SRBD1: variants seen among roughly 807,000 people sequenced by gnomAD.
SRBD1 encodes S1 RNA-binding domain-containing protein 1.
SRBD1 carries 88 observed loss-of-function variants against 115.3 expected under a neutral mutation model. The observed-to-expected ratio is 0.76, with a 90% CI of 0.64 to 0.91. SRBD1 has a LOEUF of 0.91. Ranked by LOEUF, SRBD1 falls within the 40% of genes least tolerant of loss-of-function variation. SRBD1 has a pLI of 0.00. For synonymous variants in SRBD1, 509 were observed against 407.7 expected, an observed-to-expected ratio of 1.25 and a Z score of -2.99; for missense variants, 1,385 against 1,177.4, an observed-to-expected ratio of 1.18 and a Z score of -2.58.
At chr2:45,600,101 C>A in intron 3 of SRBD1, among the ~76,000 whole-genome samples, 1 of 152,094 alleles carries the variant, frequency 6.6e-6, no homozygotes, top group East Asian at 1.9e-4. Context: ...AAGGGCAACA[C>A]TAGGCATCTT....
chr2:45,599,718 C>T lies in SRBD1; in HGVS notation c.379G>A (p.Val127Ile). ...ACTTTCAGCTTTTTAGTCCTTCGAA[C>T]TGTATGTGGCTGCGCTGCACATTTC... ...KQKCAAQPHT[V>I]RRTKKLKVEE... is the part of the protein sequence containing the mutation. The change falls in exon 4 of 21, where the codon GTT becomes ATT. Residue 127 changes from valine (V) to isoleucine (I), a missense_variant. Transcript: ENST00000263736. 1 of 1,614,192 alleles carries T rather than the reference C, an allele frequency of 6.2e-7. No homozygotes were observed. The highest frequency in any genetic ancestry group is 8.5e-7 in the Non-Finnish European group (1 of 1,180,044).
chr2:45,463,171 G>A (rs926576560), intron 16 of SRBD1, among the ~76,000 whole-genome samples: 2 of 152,106 alleles, frequency 1.3e-5, no homozygotes, highest in Non-Finnish European at 2.9e-5. Flanking sequence ...TTTGCCATGA[G>A]TGAACCCATA....
At chr2:45,607,996 C>G (rs767730552) in intron 1 of SRBD1, among the ~76,000 whole-genome samples, 1 of 152,154 alleles carries the variant, frequency 6.6e-6, no homozygotes, top group African/African-American at 2.4e-5. Context: ...AACAACCCAC[C>G]CAGATCACCT....
chr2:45,513,073 A>C (rs73927515), intron 14 of SRBD1, among the ~76,000 whole-genome samples: 1 of 152,050 alleles, frequency 6.6e-6, no homozygotes, highest in Non-Finnish European at 1.5e-5. Context: ...CAAATGCTCT[A>C]CCCCTGAGCT....
chr2:45,560,616 AAT>A (rs1479390159), intron 10 of SRBD1, among the ~76,000 whole-genome samples: 3 of 152,240 alleles, frequency 2.0e-5, no homozygotes, highest in Non-Finnish European at 4.4e-5. Context: ...GGTAGAAAGT[AAT>A]ATAACTGGAA....
chr2:45,406,862 T>C (rs1572601517), intron 19 of SRBD1, among the ~76,000 whole-genome samples: 1 of 152,140 alleles, frequency 6.6e-6, no homozygotes, highest in African/African-American at 2.4e-5. Context: ...AAAGACAGCA[T>C]ATTCCAGATA....
At position 45,553,649 on chromosome 2, in the gene SRBD1, A is replaced by C. The variant is rs768325407; in HGVS notation, c.1491T>G (p.Ile497Met). 2.5e-6 allele frequency: 4 copies of C among 1,604,150 alleles called. No homozygotes were observed. The highest frequency in any genetic ancestry group is 1.7e-5 in the Admixed American group (1 of 57,748). Reference protein sequence around the residue: ...NSLNDSFKRLIYPLLCREFRA... With the variant: ...NSLNDSFKRLMYPLLCREFRA... ...TGAATTCTCTACAGAGAAGAGGATA[A>C]ATAAGGCGTTTAAAGGAATCATTCA... The change falls in exon 11 of 21, where the codon ATT (isoleucine) becomes ATG (methionine). Residue 497 changes from isoleucine (I) to methionine (M), a missense_variant. Transcript: ENST00000263736.
chr2:45,474,922 C>T (rs1158224974), intron 16 of SRBD1, among the ~76,000 whole-genome samples: 2 of 152,182 alleles, frequency 1.3e-5, no homozygotes, highest in African/African-American at 4.8e-5. Flanking sequence ...GAATATGCAG[C>T]TGATGATGGT....
At chr2:45,524,145 G>A (rs1671370215) in intron 14 of SRBD1, among the ~76,000 whole-genome samples, 1 of 151,902 alleles carries the variant, frequency 6.6e-6, no homozygotes, top group South Asian at 2.1e-4. Flanking sequence ...AATTAGAAGG[G>A]AAATTCCTTG....
chr2:45,527,029 G>C (rs886643202), intron 14 of SRBD1, among the ~76,000 whole-genome samples: 3 of 151,856 alleles, frequency 2.0e-5, no homozygotes, highest in Admixed American at 1.3e-4. Context: ...TGTTTCCATA[G>C]TTTTTAGAAA....
chr2:45,587,972 C>T (rs1212440801), intron 4 of SRBD1, among the ~76,000 whole-genome samples: 1 of 152,172 alleles, frequency 6.6e-6, no homozygotes, highest in East Asian at 1.9e-4. Flanking sequence ...TCTTCCAACT[C>T]CTTCAACTCT....
At chr2:45,414,679 T>G (rs1036235519) in intron 18 of SRBD1, among the ~76,000 whole-genome samples, 6 of 149,674 alleles carry the variant, frequency 4.0e-5, no homozygotes. Flanking sequence ...GTATATAGTA[T>G]GTATATACAC....
intron 10 of SRBD1, among the ~76,000 whole-genome samples, chr2:45,559,630 G>A (rs747217835): frequency 3.1e-4 from 47 of 151,908 alleles, no homozygotes; most frequent in Middle Eastern, 3.4e-3. Flanking sequence ...AAGAAATAGG[G>A]AAAAAGAGAG....
chr2:45,413,015 G>A (rs1043829619), intron 19 of SRBD1, 99 bp downstream of exon 19: 5 of 1,335,630 alleles, frequency 3.7e-6, no homozygotes, highest in South Asian at 3.0e-5. Flanking sequence ...CACATTAAAC[G>A]GTCATATTTT....
chr2:45,530,645 G>C (rs1433902503), intron 14 of SRBD1, among the ~76,000 whole-genome samples: 1 of 152,020 alleles, frequency 6.6e-6, no homozygotes, highest in African/African-American at 2.4e-5. Flanking sequence ...AGGGGAGCAG[G>C]ACAGAGGTTG....
At chr2:45,526,896 A>T (rs1671459324) in intron 14 of SRBD1, among the ~76,000 whole-genome samples, 1 of 151,896 alleles carries the variant, frequency 6.6e-6, no homozygotes, top group African/African-American at 2.4e-5. Flanking sequence ...ATGAATAGCT[A>T]CGGAGGGGAA....
chr2:45,580,206 T>A (rs952418466), intron 6 of SRBD1, among the ~76,000 whole-genome samples, 193 bp from the exon 7 acceptor site: 5 of 152,202 alleles, frequency 3.3e-5, no homozygotes, highest in Non-Finnish European at 5.9e-5. Flanking sequence ...CTTTATCTTA[T>A]TCTTTATATT....
At chr2:45,516,269 G>C (rs922701000) in intron 14 of SRBD1, among the ~76,000 whole-genome samples, 1 of 152,088 alleles carries the variant, frequency 6.6e-6, no homozygotes, top group Non-Finnish European at 1.5e-5. Context: ...ATTACTTTTC[G>C]AAAATAAATA....
intron 16 of SRBD1, among the ~76,000 whole-genome samples, chr2:45,459,403 A>G (rs116807526): frequency 0.029 from 4,390 of 152,230 alleles, 212 homozygotes; most frequent in African/African-American, 0.1. Context: ...TTGTTTTGGA[A>G]GCTTTCCCCA....
Sources: allele counts gnomAD v4.1 joint callset (sites outside exome capture counted in the v4.1 genomes callset), GRCh38; gene constraint gnomAD v4.1.1; transcripts MANE v1.5; gene names NCBI Gene and HGNC (gene_info 2026-07-23, HGNC 2026-07-21).